RPA1: variants seen among roughly 807,000 people sequenced by gnomAD.
The protein encoded by RPA1 is replication protein A1, also known as replication protein A 70 kDa DNA-binding subunit.
RPA1 carries 49 observed loss-of-function variants against 83.0 expected under a neutral mutation model. The ratio of observed to expected loss-of-function variants is 0.59; its 90% CI spans 0.47 to 0.75. RPA1 has a LOEUF of 0.75. RPA1 is among the 30% of genes least tolerant of loss of function. RPA1 has a pLI of 0.00. For missense variants in RPA1, 693 were observed against 776.1 expected (o/e 0.89, Z 1.27); for synonymous variants, 279 against 281.8 (o/e 0.99, Z 0.10).
At chr17:1,841,899 A>T (rs1912060567) in intron 1 of RPA1, among the ~76,000 whole-genome samples, 1 of 152,178 alleles carries the variant, frequency 6.6e-6, no homozygotes, top group Non-Finnish European at 1.5e-5. Flanking sequence ...TGAATGTGAC[A>T]AATTACATTG....
At chr17:1,843,598 C>CATCATTATTATT (rs140587406) in intron 2 of RPA1, among the ~76,000 whole-genome samples, 3 of 141,124 alleles carry the variant, frequency 2.1e-5, no homozygotes, top group South Asian at 2.3e-4. Flanking sequence ...TTGGGTGCTT[C>CATCATTATTATT]ATTATTATTA....
At chr17:1,833,525 T>C (rs1911697843) in intron 1 of RPA1, among the ~76,000 whole-genome samples, 1 of 152,216 alleles carries the variant, frequency 6.6e-6, no homozygotes, top group South Asian at 2.1e-4. Flanking sequence ...TTTCATTTAC[T>C]TTATAGCTGC....
chr17:1,858,721 T>C (rs1453124742), intron 5 of RPA1, among the ~76,000 whole-genome samples: 1 of 151,894 alleles, frequency 6.6e-6, no homozygotes, highest in Non-Finnish European at 1.5e-5. Context: ...TGCCTCAGCC[T>C]CCCAAAGTGC....
intron 5 of RPA1, among the ~76,000 whole-genome samples, chr17:1,871,484 A>G (rs1420201639): frequency 6.6e-6 from 1 of 152,106 alleles, no homozygotes; most frequent in East Asian, 1.9e-4. Context: ...AGCCGTGGGT[A>G]CCATTTTTGT....
intron 16 of RPA1, 111 bp from the exon 17 acceptor site, chr17:1,896,960 C>T (rs1486456334): frequency 9.6e-6 from 8 of 835,622 alleles, no homozygotes; most frequent in Non-Finnish European, 1.4e-5. Flanking sequence ...AACTCTGAAC[C>T]CGTGCGTCTG....
intron 5 of RPA1, among the ~76,000 whole-genome samples, chr17:1,855,996 C>A (rs1384030763): frequency 1.3e-5 from 2 of 152,064 alleles, no homozygotes; most frequent in African/African-American, 4.8e-5. Flanking sequence ...ATTCTAAACA[C>A]CCCAATTATT....
rs1193102547 is a variant in RPA1 at position 1,875,743 on chromosome 17, A to T, written c.537A>T (p.Gly179=). The part of the protein sequence containing the change: ...AGPSLSHTSG[G]TQSKVVPIAS... ...CCAGCCTGTCACACACTTCTGGGGG[A>T]ACACAGTCCAAAGTGGTGCCCATTG... Residue 179 remains glycine (G), a synonymous_variant, in exon 7 of 17, where the codon GGA becomes GGT. Transcript: ENST00000254719. 6.2e-7 allele frequency: 1 copy of T among 1,614,104 alleles called. No homozygotes were observed. The highest frequency in any genetic ancestry group is 8.5e-7 in the Non-Finnish European group (1 of 1,180,026).
At chr17:1,858,914 T>A (rs1417250967) in intron 5 of RPA1, among the ~76,000 whole-genome samples, 3 of 146,088 alleles carry the variant, frequency 2.1e-5, no homozygotes, top group African/African-American at 5.5e-5. Flanking sequence ...ATTTTTTTTT[T>A]TTTTTTGAGA....
rs1015414039 is a variant in RPA1, at chr17:1,897,062, T to C, written c.1747-9T>C. ...TCACTGCTCACAAACTACTTCTCCCTTTTTGAAGGACGAGTCTCGAATTAA... is the reference window on the plus strand; with the variant it reads ...TCACTGCTCACAAACTACTTCTCCCCTTTTGAAGGACGAGTCTCGAATTAA... On this transcript the variant is annotated splice_polypyrimidine_tract_variant and intron_variant, in intron 16 of 16. Transcript: ENST00000254719. The C allele has an allele frequency of 1.5e-5, 23 of 1,560,986 alleles. No individual in the cohort carries two copies. Among genetic ancestry groups the C allele is most frequent in the Non-Finnish European group, 1.9e-5 (22 of 1,151,838 alleles).
intron 4 of RPA1, among the ~76,000 whole-genome samples, chr17:1,846,294 C>T (rs1251002503): frequency 6.7e-6 from 1 of 148,602 alleles, no homozygotes; most frequent in Non-Finnish European, 1.5e-5. Flanking sequence ...TGATTTCTTC[C>T]CTTGTAGGAA....
Position 1,843,925 on chromosome 17 carries a change from C to G in RPA1, c.90C>G (p.Ile30Met). The part of the protein sequence containing the change: ...NIKPILQVIN[I>M]RPITTGNSPP... ...AATCAAGTTTTCTGTCCTAGAACATCCGTCCCATTACTACGGGGAATAGTC... is the reference window on the plus strand; with the variant it reads ...AATCAAGTTTTCTGTCCTAGAACATGCGTCCCATTACTACGGGGAATAGTC... Residue 30 changes from isoleucine (I) to methionine (M), a missense_variant, in exon 3 of 17, where the codon ATC becomes ATG. By Grantham distance (10) the Ile-to-Met change is conservative. Transcript: ENST00000254719. The G allele has an allele frequency of 6.2e-7, 1 of 1,613,760 alleles. No individual in the cohort carries two copies.
In RPA1 at chr17:1,891,822, G is replaced by A. The variant is rs1316649930; in HGVS notation, c.1552-11G>A. 1 of 1,511,086 alleles carries A rather than the reference G, an allele frequency of 6.6e-7. No individual in the cohort carries two copies. Among genetic ancestry groups the A allele is most frequent in the Non-Finnish European group, 9.1e-7 (1 of 1,094,348 alleles). 93.6% of individuals were successfully genotyped at this position (1,511,086 alleles called of 1,614,324 possible). A position where few individuals can be genotyped will look rare whatever the true frequency, so the allele number is the denominator to read the frequency against. ...TTCTTTGCTGAAATAATGTAGAATT[G>A]TGTTTTTTAGGTAAATATTGCAGAT... On this transcript the variant is annotated splice_polypyrimidine_tract_variant and intron_variant, in intron 14 of 16. Coordinates refer to ENST00000254719, the MANE Select transcript of RPA1 (RefSeq NM_002945.5).
rs1262287245 is a variant in RPA1, at chr17:1,879,623, G to A, written c.1016G>A (p.Arg339Lys). Residue 339 changes from arginine (R) to lysine (K), a missense_variant, in exon 11 of 17, where the codon AGA (arginine) becomes AAA (lysine). Physicochemically the swap from Arg to Lys is conservative, Grantham distance 26. Transcript: ENST00000254719. ...AAAATCACAGTGAGGTCTAACAACA[G>A]AGAAGTTGCCAAGAGGAATATCTAC... Reference protein sequence around the residue: ...ATKITVRSNNREVAKRNIYLM... With the variant: ...ATKITVRSNNKEVAKRNIYLM... 6.2e-7 allele frequency: 1 copy of A among 1,614,246 alleles called. No individual in the cohort carries two copies. The highest frequency in any genetic ancestry group is 1.1e-5 in the South Asian group (1 of 91,092).
chr17:1,872,244 A>G (rs895234709), intron 5 of RPA1, 190 bp from the exon 6 acceptor site: 1 of 794,368 alleles, frequency 1.3e-6, no homozygotes. Context: ...CTTTTGTGTA[A>G]TGAAAACAAA....
At chr17:1,862,500 A>T (rs1597439058) in intron 5 of RPA1, among the ~76,000 whole-genome samples, 1 of 149,732 alleles carries the variant, frequency 6.7e-6, no homozygotes, top group Non-Finnish European at 1.5e-5. Flanking sequence ...GCTCACTGCA[A>T]CCTCCACCTC....
At chr17:1,844,526 AG>A in intron 3 of RPA1, 51 bp from the exon 4 acceptor site, 1 of 1,448,748 alleles carries the variant, frequency 6.9e-7, no homozygotes, top group South Asian at 1.2e-5. Flanking sequence ...TAGCTCTCAG[AG>A]GCTTAAGACT....
intron 5 of RPA1, among the ~76,000 whole-genome samples, chr17:1,869,187 A>G (rs949035984): frequency 2.6e-5 from 4 of 152,234 alleles, no homozygotes; most frequent in African/African-American, 9.6e-5. Flanking sequence ...CATTATAATG[A>G]TAAAAATGAT....
intron 15 of RPA1, among the ~76,000 whole-genome samples, chr17:1,894,480 A>G (rs1401922645): frequency 6.6e-6 from 1 of 152,144 alleles, no homozygotes; most frequent in Non-Finnish European, 1.5e-5. Flanking sequence ...AAGTCTTAGA[A>G]ACTTCCTAAG....
At chr17:1,872,217 A>G (rs536411258) in intron 5 of RPA1, 1 of 610,928 alleles carries the variant, frequency 1.6e-6, no homozygotes, top group Admixed American at 3.0e-5. Context: ...AGCAGGTGAA[A>G]GGTAGATGGA....
Sources: gnomAD v4.1 joint callset for allele counts (sites outside exome capture counted in the v4.1 genomes callset) on GRCh38, gnomAD v4.1.1 for gene constraint, MANE v1.5 for transcripts, NCBI Gene and HGNC (gene_info 2026-07-23, HGNC 2026-07-21) for gene names.